EPDR1: variants seen among roughly 807,000 people sequenced by gnomAD.
EPDR1 encodes mammalian ependymin-related protein 1.
A neutral mutation model predicts 23.7 loss-of-function variants in EPDR1; 27 were observed. That is an observed-to-expected ratio of 1.14 (90% CI 0.84 to 1.57). The LOEUF is 1.57. Ranked by LOEUF, EPDR1 falls within the 40% of genes most tolerant of loss-of-function variation. EPDR1 has a pLI of 0.00. For missense variants in EPDR1, 349 were observed against 290.4 expected (o/e 1.20, Z -1.47); for synonymous variants, 137 against 118.2 (o/e 1.16, Z -1.03).
intron 1 of EPDR1, among the ~76,000 whole-genome samples, chr7:37,944,708 T>C (rs1786237857): frequency 6.6e-6 from 1 of 151,916 alleles, no homozygotes. Flanking sequence ...TTCAATTACC[T>C]CCCCCCAGGT....
intron 1 of EPDR1, among the ~76,000 whole-genome samples, chr7:37,922,027 G>T (rs1785717017): frequency 6.6e-6 from 1 of 152,124 alleles, no homozygotes; most frequent in East Asian, 1.9e-4. Context: ...ATGTCATCTC[G>T]CTTGTGGCCC....
At chr7:37,921,906 A>G (rs980621347) in intron 1 of EPDR1, among the ~76,000 whole-genome samples, 4 of 152,066 alleles carry the variant, frequency 2.6e-5, no homozygotes, top group Admixed American at 2.6e-4. Flanking sequence ...TCCTATTTTT[A>G]ATGGCTGCAC....
intron 1 of EPDR1, among the ~76,000 whole-genome samples, chr7:37,941,654 G>C (rs575901685): frequency 2.8e-4 from 42 of 152,330 alleles, no homozygotes; most frequent in Non-Finnish European, 4.9e-4. Flanking sequence ...ACTCTTCAAA[G>C]AGTCAATGTC....
chr7:37,946,243 T>C (rs1053984553), intron 1 of EPDR1, among the ~76,000 whole-genome samples: 6 of 152,214 alleles, frequency 3.9e-5, no homozygotes, highest in African/African-American at 1.4e-4. Flanking sequence ...TTGGGGTATA[T>C]ACACAGTAAT....
At chr7:37,940,569 A>G (rs1786150763) in intron 1 of EPDR1, among the ~76,000 whole-genome samples, 1 of 152,214 alleles carries the variant, frequency 6.6e-6, no homozygotes, top group South Asian at 2.1e-4. Context: ...TCTAAGGATA[A>G]GAGGAACTAC....
rs371475399 is a variant in EPDR1 at position 37,950,260 on chromosome 7, C to A, written c.539C>A (p.Thr180Asn). ...KDCYPVQETF[T>N]INYSVILSTR... ...TGCTATCCTGTCCAGGAAACCTTTACCATAAACTACAGTGTGATATTGTCT... is the reference window on the plus strand; with the variant it reads ...TGCTATCCTGTCCAGGAAACCTTTAACATAAACTACAGTGTGATATTGTCT... Residue 180 changes from threonine to asparagine, a missense_variant, in exon 3 of 3, where the codon ACC (threonine) becomes AAC (asparagine). Thr to Asn is a moderately conservative substitution (Grantham distance 65). Coordinates refer to ENST00000199448, the MANE Select transcript of EPDR1 (RefSeq NM_017549.5). 2.5e-6 allele frequency: 4 copies of A among 1,614,128 alleles called. No individual in the cohort carries two copies. The highest frequency in any genetic ancestry group is 3.4e-6 in the Non-Finnish European group (4 of 1,180,020).
chr7:37,938,590 C>G (rs1247982575), intron 1 of EPDR1, among the ~76,000 whole-genome samples: 2 of 152,158 alleles, frequency 1.3e-5, no homozygotes, highest in African/African-American at 2.4e-5. Flanking sequence ...AGAAACTTAC[C>G]ATGACTTCTG....
At position 37,921,085 on chromosome 7, in the gene EPDR1, A is replaced by T; in HGVS notation, c.146A>T (p.Glu49Val). The T allele has an allele frequency of 6.3e-7, 1 of 1,579,932 alleles. No homozygotes were observed. The highest frequency in any genetic ancestry group is 8.5e-7 in the Non-Finnish European group (1 of 1,169,966). Residue 49 changes from glutamate to valine, a missense_variant, in exon 1 of 3, where the codon GAG becomes GTG. Physicochemically the swap from Glu to Val is moderately radical, Grantham distance 121 (BLOSUM62 -2). Coordinates refer to ENST00000199448, the MANE Select transcript of EPDR1 (RefSeq NM_017549.5). ...CCGTGCCAGGCGCCGCAGCAGTGGG[A>T]GGGGCGCCAGGTTATGTACCAGCAA... ...PRPCQAPQQW[E>V]GRQVMYQQSS...
At chr7:37,928,963 C>A (rs1179647517) in intron 1 of EPDR1, among the ~76,000 whole-genome samples, 6 of 152,146 alleles carry the variant, frequency 3.9e-5, no homozygotes, top group Non-Finnish European at 7.3e-5. Flanking sequence ...CCCAGGGGTT[C>A]TCTTGAAAAT....
intron 1 of EPDR1, among the ~76,000 whole-genome samples, chr7:37,941,433 G>A (rs1786170597): frequency 6.6e-6 from 1 of 152,176 alleles, no homozygotes; most frequent in African/African-American, 2.4e-5. Flanking sequence ...TAGTGGGAAG[G>A]TACATCACCT....
chr7:37,935,026 T>A (rs1190882774), intron 1 of EPDR1, among the ~76,000 whole-genome samples: 1 of 152,188 alleles, frequency 6.6e-6, no homozygotes, highest in East Asian at 1.9e-4. Context: ...AGCATTTACA[T>A]TGTATAAAGA....
At chr7:37,928,066 C>A (rs1785853550) in intron 1 of EPDR1, among the ~76,000 whole-genome samples, 1 of 152,134 alleles carries the variant, frequency 6.6e-6, no homozygotes, top group African/African-American at 2.4e-5. Context: ...GAGGGAGAAG[C>A]AGGCACTGGG....
At chr7:37,936,848 C>G (rs1341243521) in intron 1 of EPDR1, among the ~76,000 whole-genome samples, 1 of 152,032 alleles carries the variant, frequency 6.6e-6, no homozygotes, top group African/African-American at 2.4e-5. Flanking sequence ...GATATCAGTT[C>G]TCCTAGATTT....
rs769073402 is a variant in EPDR1 at position 37,921,045 on chromosome 7, G to A, written c.106G>A (p.Val36Met). 9.8e-6 allele frequency: 15 copies of A among 1,536,170 alleles called. No homozygotes were observed. Among genetic ancestry groups the A allele is most frequent in the Non-Finnish European group, 1.3e-5 (15 of 1,146,588 alleles). The change falls in exon 1 of 3, where the codon GTG becomes ATG. Residue 36 changes from valine to methionine, a missense_variant. By Grantham distance (21) the Val-to-Met change is conservative. Coordinates refer to ENST00000199448, the MANE Select transcript of EPDR1 (RefSeq NM_017549.5). ...TLCGLCSLGA[V>M]GAPRPCQAPQ... ...GTGCGGCCTGTGCAGCCTGGGGGCGGTGGGAGCCCCGCGCCCGTGCCAGGC... is the reference window on the plus strand; with the variant it reads ...GTGCGGCCTGTGCAGCCTGGGGGCGATGGGAGCCCCGCGCCCGTGCCAGGC...
intron 1 of EPDR1, among the ~76,000 whole-genome samples, chr7:37,924,338 C>A (rs930856385): frequency 2.6e-5 from 4 of 152,186 alleles, no homozygotes; most frequent in Middle Eastern, 3.2e-3. Context: ...GGTAATCAGG[C>A]AAAGGCAAAG....
intron 1 of EPDR1, among the ~76,000 whole-genome samples, chr7:37,933,105 G>C (rs1439272112): frequency 6.6e-6 from 1 of 152,202 alleles, no homozygotes; most frequent in Non-Finnish European, 1.5e-5. Flanking sequence ...TTTTGAAATA[G>C]TGTTTTTTCT....
intron 1 of EPDR1, chr7:37,926,894 T>G (rs67780231): frequency 0.14 from 39,008 of 276,180 alleles, 3,001 homozygotes; most frequent in Middle Eastern, 0.24. Flanking sequence ...TGTATCAGTG[T>G]GGACTCAAGC....
At chr7:37,944,198 G>A (rs1030233949) in intron 1 of EPDR1, among the ~76,000 whole-genome samples, 1 of 152,250 alleles carries the variant, frequency 6.6e-6, no homozygotes, top group Non-Finnish European at 1.5e-5. Context: ...ATGAACAGCT[G>A]TTGGAATCCC....
At chr7:37,948,342 A>ATT (rs56967310) in intron 1 of EPDR1, among the ~76,000 whole-genome samples, 16 of 135,624 alleles carry the variant, frequency 1.2e-4, no homozygotes, top group African/African-American at 1.9e-4. Context: ...TTTGACCTCA[A>ATT]TTTTTTTTTT....
Sources: allele counts gnomAD v4.1 joint callset (sites outside exome capture counted in the v4.1 genomes callset), GRCh38; gene constraint gnomAD v4.1.1; transcripts MANE v1.5; gene names NCBI Gene and HGNC (gene_info 2026-07-23, HGNC 2026-07-21).